Variants in FGF14 observed in about 807,000 individuals in gnomAD.
FGF14 encodes the protein fibroblast growth factor homologous factor 4.
FGF14 carries 5 observed loss-of-function variants against 25.5 expected under a neutral mutation model. The ratio of observed to expected loss-of-function variants is 0.20; its 90% confidence interval spans 0.10 to 0.41. The LOEUF (loss-of-function observed/expected upper bound fraction) is 0.41. Ranked by LOEUF, FGF14 falls within the 10% of genes least tolerant of loss-of-function variation. FGF14 has a pLI of 1.00. For missense variants in FGF14, 222 were observed against 320.1 expected, an observed-to-expected ratio of 0.69 and a Z score of 2.34; for synonymous variants, 138 against 118.3, an observed-to-expected ratio of 1.17 and a Z score of -1.08.
At chr13:102,058,832 G>A (rs1365374980) in intron 1 of FGF14, among the ~76,000 whole-genome samples, 1 of 151,616 alleles carries the variant, frequency 6.6e-6, no homozygotes, top group Non-Finnish European at 1.5e-5. Flanking sequence ...ATCCAATGTG[G>A]TATCACATGT....
chr13:101,894,312 T>C (rs886579478), intron 1 of FGF14, among the ~76,000 whole-genome samples: 2 of 152,314 alleles, frequency 1.3e-5, no homozygotes, highest in East Asian at 3.9e-4. Flanking sequence ...TGTGTGATTA[T>C]TGTCATGATA....
At chr13:102,199,530 A>G (rs574522381) in intron 1 of FGF14, among the ~76,000 whole-genome samples, 220 of 152,298 alleles carry the variant, frequency 1.4e-3, no homozygotes, top group African/African-American at 5.1e-3. Flanking sequence ...CCAGAAACCC[A>G]ATCTTTGACA....
In FGF14 at chr13:102,077,013, A is replaced by C. The variant is rs187838326; in HGVS notation, c.209-201717T>G. On this transcript the variant is annotated intron_variant, in intron 1 of 4. Coordinates refer to the FGF14 transcript ENST00000376131. ...TAGTCAATTGAGGACAAAGATGTCA[A>C]TAACACACAATGGGGAATGAACAGT... Among the ~76,000 whole-genome samples, 52 of 152,338 alleles carry C rather than the reference A, an allele frequency of 3.4e-4. 1 individual carries two copies. The highest frequency in any genetic ancestry group is 2.4e-3 in the Admixed American group (36 of 15,296).
At chr13:102,135,680 G>A (rs557483026) in intron 1 of FGF14, among the ~76,000 whole-genome samples, 11 of 152,184 alleles carry the variant, frequency 7.2e-5, no homozygotes, top group African/African-American at 9.7e-5. Context: ...TTTTGGGACG[G>A]AGTCTCGCTC....
Position 101,722,781 on chromosome 13 carries a change from C to A in FGF14, c.*50G>T, listed in dbSNP as rs771616398. ...GCAGGAATGTCTGGTGAGGATAAAT[C>A]ACTCAACTGTGCTCAGGACGAATAA... On this transcript the variant is annotated 3_prime_UTR_variant, in exon 5 of 5. Transcript: ENST00000376143. The A allele has an allele frequency of 6.2e-7, 1 of 1,610,002 alleles. No individual in the cohort carries two copies. Among genetic ancestry groups the A allele is most frequent in the East Asian group, 2.2e-5 (1 of 44,846 alleles).
chr13:102,104,878 AATCACC>A (rs1269505177), intron 1 of FGF14, among the ~76,000 whole-genome samples: 1 of 152,174 alleles, frequency 6.6e-6, no homozygotes, highest in Admixed American at 6.5e-5. Flanking sequence ...TTGCCCCTGA[AATCACC>A]ATCCTTGCAG....
At chr13:102,187,291 T>G (rs1327017583) in intron 1 of FGF14, among the ~76,000 whole-genome samples, 1 of 152,182 alleles carries the variant, frequency 6.6e-6, no homozygotes, top group Non-Finnish European at 1.5e-5. Context: ...ATTACAAAAT[T>G]GATTATTTTC....
chr13:102,202,052 C>T (rs2049678315), intron 1 of FGF14, among the ~76,000 whole-genome samples: 1 of 152,168 alleles, frequency 6.6e-6, no homozygotes, highest in Non-Finnish European at 1.5e-5. Flanking sequence ...CTCCCCCAAT[C>T]TCTTTTCCTC....
chr13:102,325,471 C>A (rs1039165135), intron 1 of FGF14, among the ~76,000 whole-genome samples: 2 of 152,118 alleles, frequency 1.3e-5, no homozygotes, highest in African/African-American at 4.8e-5. Context: ...CTCTTGTGCA[C>A]CCCACTCAGC....
intron 3 of FGF14, among the ~76,000 whole-genome samples, chr13:101,804,513 G>A (rs1228605398): frequency 6.6e-6 from 1 of 152,066 alleles, no homozygotes; most frequent in African/African-American, 2.4e-5. Context: ...ATGCCTCATG[G>A]GACACTCAGG....
chr13:102,325,891 G>C (rs1347298889), intron 1 of FGF14, among the ~76,000 whole-genome samples: 1 of 152,098 alleles, frequency 6.6e-6, no homozygotes, highest in African/African-American at 2.4e-5. Flanking sequence ...TGACTAATGT[G>C]AACAAACAAA....
chr13:101,858,862 AAG>A (rs2044263250), intron 3 of FGF14, among the ~76,000 whole-genome samples: 2 of 152,092 alleles, frequency 1.3e-5, no homozygotes, highest in Non-Finnish European at 2.9e-5. Flanking sequence ...GTTCAAGTTT[AAG>A]TGGTGGCAAC....
At chr13:102,025,240 T>C (rs2040865027) in intron 1 of FGF14, among the ~76,000 whole-genome samples, 2 of 151,946 alleles carry the variant, frequency 1.3e-5, no homozygotes. Context: ...AGCTGGGATT[T>C]TGATACGAAT....
intron 1 of FGF14, among the ~76,000 whole-genome samples, chr13:102,073,223 G>T (rs1247132791): frequency 6.6e-6 from 1 of 152,216 alleles, no homozygotes; most frequent in African/African-American, 2.4e-5. Flanking sequence ...CTGCACTCCA[G>T]TCTGGGTGAC....
At chr13:101,863,488 A>C (rs994188637) in intron 3 of FGF14, among the ~76,000 whole-genome samples, 16 of 152,174 alleles carry the variant, frequency 1.1e-4, no homozygotes, top group Non-Finnish European at 1.0e-4. Context: ...GGGGAGGAGG[A>C]ATAGGAAGCC....
At chr13:101,727,817 C>G (rs7336528) in intron 3 of FGF14, among the ~76,000 whole-genome samples, 44,268 of 151,906 alleles carry the variant, frequency 0.29, 6,890 homozygotes, top group African/African-American at 0.37. Flanking sequence ...AGGTCCAACA[C>G]TGTGCTATTC....
chr13:101,748,497 G>A (rs1263702564), intron 3 of FGF14, among the ~76,000 whole-genome samples: 1 of 151,376 alleles, frequency 6.6e-6, no homozygotes, highest in Non-Finnish European at 1.5e-5. Flanking sequence ...GTGAGGATAG[G>A]AGGGGGACGA....
intron 3 of FGF14, among the ~76,000 whole-genome samples, chr13:101,811,838 G>C (rs551971081): frequency 6.6e-6 from 1 of 152,152 alleles, no homozygotes; most frequent in South Asian, 2.1e-4. Flanking sequence ...CTGTTTGAAT[G>C]AGCCTCACTG....
At chr13:101,980,255 A>G (rs2038166390) in intron 1 of FGF14, among the ~76,000 whole-genome samples, 2 of 152,194 alleles carry the variant, frequency 1.3e-5, no homozygotes, top group Non-Finnish European at 2.9e-5. Context: ...TACCTAAATA[A>G]AAATTATAGA....
Sources: gnomAD v4.1 joint callset for allele counts (sites outside exome capture counted in the v4.1 genomes callset) on GRCh38, gnomAD v4.1.1 for gene constraint, MANE v1.5 for transcripts, NCBI Gene and HGNC (gene_info 2026-07-23, HGNC 2026-07-21) for gene names.